Variants in MYO16 observed in about 807,000 individuals in gnomAD.
The protein encoded by MYO16 is myosin XVI, also known as unconventional myosin-XVI.
A neutral mutation model predicts 205.3 loss-of-function variants in MYO16; 94 were observed. The observed-to-expected ratio is 0.46, with a 90% CI of 0.39 to 0.54. The LOEUF (loss-of-function observed/expected upper bound fraction) is 0.54. MYO16 is among the 20% of genes least tolerant of loss of function. The pLI, the probability that MYO16 is intolerant of heterozygous loss-of-function variation, is 0.00. For missense variants in MYO16, 2,315 were observed against 2,387.5 expected (o/e 0.97, Z 0.63); for synonymous variants, 988 against 954.0 (o/e 1.04, Z -0.66).
At chr13:108,643,151 A>T (rs1333573424) in intron 1 of MYO16, among the ~76,000 whole-genome samples, 1 of 152,214 alleles carries the variant, frequency 6.6e-6, no homozygotes, top group Non-Finnish European at 1.5e-5. Context: ...TGTCCTTTAT[A>T]GTCAATCTCC....
At position 108,727,456 on chromosome 13, in the gene MYO16, A is replaced by G; in HGVS notation, c.380A>G (p.Asn127Ser). 1 of 1,613,846 alleles carries G rather than the reference A, an allele frequency of 6.2e-7. No homozygotes were observed. Among genetic ancestry groups the G allele is most frequent in the Admixed American group, 1.7e-5 (1 of 60,002 alleles). The change falls in exon 4 of 35, where the codon AAT becomes AGT. Residue 127 changes from asparagine to serine, a missense_variant. By Grantham distance (46) the Asn-to-Ser change is conservative. Transcript: ENST00000457511. ...TTCTTTTAGTGTGCTCGGTATGATA[A>G]TGCCTTCATTGCAGAAATTCTGATT... ...SLLHLCARYD[N>S]AFIAEILIDR... is the part of the protein sequence containing the mutation.
chr13:109,070,953 T>G (rs1405657853), intron 27 of MYO16, among the ~76,000 whole-genome samples: 1 of 152,138 alleles, frequency 6.6e-6, no homozygotes, highest in African/African-American at 2.4e-5. Flanking sequence ...TTACAGTATT[T>G]CCACAGAATA....
the MYO16 span, among the ~76,000 whole-genome samples, chr13:108,498,222 A>G: frequency 6.6e-6 from 1 of 152,366 alleles, no homozygotes; most frequent in East Asian, 1.9e-4. Flanking sequence ...ATGTTCATAG[A>G]ACGAGAAAAT....
intron 12 of MYO16, among the ~76,000 whole-genome samples, chr13:108,879,989 G>C (rs1879529147): frequency 6.6e-6 from 1 of 152,306 alleles, no homozygotes; most frequent in East Asian, 1.9e-4. Flanking sequence ...CAGTGTAAAA[G>C]TGTTCCTATT....
Position 108,729,186 on chromosome 13 carries a change from A to G in MYO16, c.507+1603A>G, listed in dbSNP as rs1486031099. 3.3e-5 allele frequency among the ~76,000 whole-genome samples: 5 copies of G among 152,118 alleles called. No individual in the cohort carries two copies. In the East Asian group the frequency reaches 5.8e-4, roughly 18 times the overall value. On this transcript the variant is annotated intron_variant, in intron 4 of 34. Transcript: ENST00000457511. ...TTATAAAACAAGATTTTTGTTTTGT[A>G]GATACAGAGCCTAAGAGGCACTAAA...
Position 109,090,666 on chromosome 13 carries a change from G to C in MYO16, c.3336-10119G>C, listed in dbSNP as rs559848611. On this transcript the variant is annotated intron_variant, in intron 27 of 34. Coordinates refer to ENST00000457511, the MANE Select transcript of MYO16 (RefSeq NM_001198950.3). ...CAGAACTAAACTGCAATGATGGGTGGATATTTCCTGTCAGAATCATGGGAA... is the reference window on the plus strand; with the variant it reads ...CAGAACTAAACTGCAATGATGGGTGCATATTTCCTGTCAGAATCATGGGAA... 2.0e-5 allele frequency among the ~76,000 whole-genome samples: 3 copies of C among 152,322 alleles called. No individual in the cohort carries two copies. The East Asian group carries it at 5.8e-4, about 29-fold the overall frequency.
chr13:108,881,213 C>T (rs1409379556), intron 12 of MYO16, among the ~76,000 whole-genome samples: 1 of 152,166 alleles, frequency 6.6e-6, no homozygotes, highest in South Asian at 2.1e-4. Flanking sequence ...TTCAACAGAC[C>T]TGCAGCTGAG....
At chr13:108,690,270 TC>T (rs1258315169) in intron 2 of MYO16, among the ~76,000 whole-genome samples, 3 of 151,824 alleles carry the variant, frequency 2.0e-5, no homozygotes, top group Non-Finnish European at 4.4e-5. Context: ...TTCTTTCTTT[TC>T]TTTATTTTCC....
At chr13:108,558,984 A>ATTT in the MYO16 span, among the ~76,000 whole-genome samples, 3 of 146,592 alleles carry the variant, frequency 2.0e-5, no homozygotes, top group African/African-American at 7.5e-5. Flanking sequence ...TGAGATGTTG[A>ATTT]TTTTTTTTTT....
rs183312510 is a variant in MYO16 at position 108,952,723 on chromosome 13, A to G, written c.1926-4965A>G. 3.0e-3 allele frequency among the ~76,000 whole-genome samples: 451 copies of G among 152,276 alleles called. 3 individuals are homozygous for G. The highest frequency in any genetic ancestry group is 5.4e-3 in the South Asian group (26 of 4,830). ...AACAAAACAGCAATTACTCTTCACAAATGCTCTCTGAAATTTCTGACTCTG... is the reference window on the plus strand; with the variant it reads ...AACAAAACAGCAATTACTCTTCACAGATGCTCTCTGAAATTTCTGACTCTG... On this transcript the variant is annotated intron_variant, in intron 16 of 34. Coordinates refer to ENST00000457511, the MANE Select transcript of MYO16 (RefSeq NM_001198950.3).
intron 10 of MYO16, among the ~76,000 whole-genome samples, chr13:108,848,764 A>AG (rs1877654873): frequency 6.6e-6 from 1 of 152,190 alleles, no homozygotes; most frequent in Non-Finnish European, 1.5e-5. Flanking sequence ...GCGGTGAGCT[A>AG]GGACGTCATC....
chr13:109,151,622 A>G (rs1387193978), intron 32 of MYO16, among the ~76,000 whole-genome samples: 1 of 152,216 alleles, frequency 6.6e-6, no homozygotes, highest in Non-Finnish European at 1.5e-5. Context: ...CCTTCAAAAG[A>G]AATCTCCATT....
At chr13:108,667,809 G>A (rs951305582) in intron 2 of MYO16, among the ~76,000 whole-genome samples, 9 of 152,136 alleles carry the variant, frequency 5.9e-5, no homozygotes, top group African/African-American at 1.9e-4. Flanking sequence ...ACTTTGGGAG[G>A]CATAGGTGGA....
In MYO16 at chr13:109,055,489, A is replaced by C. The variant is rs1887386678; in HGVS notation, c.3229A>C (p.Asn1077His). The C allele has an allele frequency of 3.7e-6, 6 of 1,613,014 alleles. No individual in the cohort carries two copies. In the South Asian group the frequency reaches 5.5e-5, roughly 15 times the overall value. ...CTCAAAGCTGCCAGATACTTTTGAT[A>C]ATTTTTACGTGTCTGCTCAGCTACA... The part of the protein sequence containing the change: ...NNSKLPDTFD[N>H]FYVSAQLQYI... Residue 1077 changes from asparagine to histidine, a missense_variant, in exon 27 of 35, where the codon AAT becomes CAT. Physicochemically the swap from Asn to His is moderately conservative, Grantham distance 68. This residue lies in a region of MYO16 where 1,097 missense variants were observed against 1,092.0 expected (regional missense o/e 1.00). Coordinates refer to ENST00000457511, the MANE Select transcript of MYO16 (RefSeq NM_001198950.3). The surrounding 1 kb of genome is among the most constrained non-coding windows in gnomAD (Gnocchi z 5.0).
intron 23 of MYO16, among the ~76,000 whole-genome samples, chr13:109,022,291 AATATACAAATATATATTTATATATT>A (rs66535413): frequency 0.6 from 64,403 of 107,674 alleles, 21,346 homozygotes; most frequent in East Asian, 0.87. Context: ...ATACAAATAT[AATATACAAATATATATTTATATATT>A]ATATACAAAT....
chr13:108,657,263 T>C (rs1426493608), intron 1 of MYO16, among the ~76,000 whole-genome samples: 2 of 152,088 alleles, frequency 1.3e-5, no homozygotes, highest in African/African-American at 4.8e-5. Flanking sequence ...GTAGAGCTTT[T>C]GCTTTGTTCT....
intron 20 of MYO16, among the ~76,000 whole-genome samples, chr13:108,965,670 T>C (rs1415530497): frequency 1.3e-5 from 2 of 152,138 alleles, no homozygotes; most frequent in Non-Finnish European, 2.9e-5. Context: ...CCTCCCAAAG[T>C]GCTGGGATTA....
the MYO16 span, among the ~76,000 whole-genome samples, chr13:108,503,545 A>G: frequency 5.3e-5 from 8 of 152,176 alleles, no homozygotes; most frequent in Non-Finnish European, 1.2e-4. Flanking sequence ...AGATCATTCA[A>G]GTGAGGCTCA....
intron 4 of MYO16, among the ~76,000 whole-genome samples, chr13:108,741,273 A>G (rs1370778222): frequency 6.6e-6 from 1 of 152,156 alleles, no homozygotes; most frequent in Non-Finnish European, 1.5e-5. Context: ...GCCATCTTGG[A>G]ACCACCCCCT....
Sources: gnomAD v4.1 joint callset for allele counts (sites outside exome capture counted in the v4.1 genomes callset) on GRCh38, gnomAD v4.1.1 for gene constraint, gnomAD v4.1.1 regional missense constraint, Gnocchi (gnomAD v3.1) non-coding constraint, MANE v1.5 for transcripts, NCBI Gene and HGNC (gene_info 2026-07-23, HGNC 2026-07-21) for gene names.